TMEM170B: variants seen among roughly 807,000 people sequenced by gnomAD.
TMEM170B encodes transmembrane protein 170B.
A neutral mutation model predicts 13.0 loss-of-function variants in TMEM170B; 6 were observed. The ratio of observed to expected loss-of-function variants is 0.46; its 90% CI spans 0.25 to 0.91. The LOEUF (loss-of-function observed/expected upper bound fraction) is 0.91, where lower values mean the gene tolerates loss of function less well. Ranked by LOEUF, TMEM170B falls within the 40% of genes least tolerant of loss-of-function variation. The pLI, the probability that TMEM170B is intolerant of heterozygous loss-of-function variation, is 0.17. For missense variants in TMEM170B, 138 were observed against 165.2 expected (o/e 0.84, Z 0.90); for synonymous variants, 61 against 64.9 (o/e 0.94, Z 0.29).
intron 1 of TMEM170B, among the ~76,000 whole-genome samples, chr6:11,553,807 T>G (rs1169019177): frequency 2.6e-5 from 4 of 152,174 alleles, no homozygotes; most frequent in African/African-American, 9.7e-5. Context: ...ATTTGTAGAG[T>G]AAGGTTTAGA....
intron 1 of TMEM170B, among the ~76,000 whole-genome samples, chr6:11,540,538 A>C (rs956717695): frequency 6.6e-6 from 1 of 152,154 alleles, no homozygotes; most frequent in African/African-American, 2.4e-5. Flanking sequence ...TTCTAATTCT[A>C]GTTCTCTTGC....
At chr6:11,563,211 C>T (rs1455800599) in intron 1 of TMEM170B, among the ~76,000 whole-genome samples, 1 of 152,132 alleles carries the variant, frequency 6.6e-6, no homozygotes, top group African/African-American at 2.4e-5. Flanking sequence ...TGACGGGCAC[C>T]TGTAATCCCA....
At chr6:11,549,430 G>A (rs184030919) in intron 1 of TMEM170B, among the ~76,000 whole-genome samples, 2 of 152,194 alleles carry the variant, frequency 1.3e-5, no homozygotes, top group African/African-American at 4.8e-5. Flanking sequence ...TTGGGAGGCA[G>A]AGGTGGGTGG....
At position 11,583,456 on chromosome 6, in the gene TMEM170B, A is replaced by G. The variant is rs1164124014; in HGVS notation, c.*7895A>G. 6.6e-6 allele frequency: 1 copy of G among 152,220 alleles called. No homozygotes were observed. Among genetic ancestry groups the G allele is most frequent in the East Asian group, 1.9e-4 (1 of 5,198 alleles). The allele number at this position is 152,220 out of a possible 1,614,324, so 9.4% of individuals were successfully genotyped here. A position where few individuals can be genotyped will look rare whatever the true frequency, so the allele number is the denominator to read the frequency against. On this transcript the variant is annotated 3_prime_UTR_variant, in exon 3 of 3. Coordinates refer to ENST00000379426, the MANE Select transcript of TMEM170B (RefSeq NM_001100829.3). ...GGATTAAAAATTTGTAATATACAGTATTTTAATAAAGTTTCTGTATTCAAT... is the reference window on the plus strand; with the variant it reads ...GGATTAAAAATTTGTAATATACAGTGTTTTAATAAAGTTTCTGTATTCAAT...
At chr6:11,559,109 A>T (rs544130624) in intron 1 of TMEM170B, among the ~76,000 whole-genome samples, 1 of 152,234 alleles carries the variant, frequency 6.6e-6, no homozygotes, top group Non-Finnish European at 1.5e-5. Flanking sequence ...TTGTTCCAAT[A>T]AAACTTTATG....
At chr6:11,556,679 C>T (rs1759594121) in intron 1 of TMEM170B, among the ~76,000 whole-genome samples, 1 of 152,084 alleles carries the variant, frequency 6.6e-6, no homozygotes, top group Admixed American at 6.6e-5. Flanking sequence ...TCGGCAGTAA[C>T]AGACCTCTGC....
chr6:11,566,973 T>C (rs1386130160), intron 2 of TMEM170B, among the ~76,000 whole-genome samples: 1 of 152,242 alleles, frequency 6.6e-6, no homozygotes, highest in Non-Finnish European at 1.5e-5. Context: ...TATTGGAAGC[T>C]ACTGGTTACC....
At chr6:11,571,609 A>G (rs1482559001) in intron 2 of TMEM170B, among the ~76,000 whole-genome samples, 1 of 152,056 alleles carries the variant, frequency 6.6e-6, no homozygotes, top group Non-Finnish European at 1.5e-5. Context: ...TATTTCAAGA[A>G]CCCTATCCCA....
At chr6:11,574,097 G>A (rs1050443497) in intron 2 of TMEM170B, among the ~76,000 whole-genome samples, 12 of 152,104 alleles carry the variant, frequency 7.9e-5, no homozygotes, top group Admixed American at 4.6e-4. Flanking sequence ...GAAAAATCCC[G>A]GCTCTTGTAC....
intron 1 of TMEM170B, among the ~76,000 whole-genome samples, chr6:11,562,439 T>C (rs1279645413): frequency 6.6e-6 from 1 of 150,760 alleles, no homozygotes; most frequent in Admixed American, 6.6e-5. Context: ...CATGGTAGTT[T>C]AACACACACT....
Position 11,576,750 on chromosome 6 carries a change from G to A in TMEM170B, c.*1189G>A, listed in dbSNP as rs571355178. On this transcript the variant is annotated 3_prime_UTR_variant, in exon 3 of 3. Transcript: ENST00000379426. Reference sequence around the variant, plus strand: ...AGATAATTTTAAAATTTGGCAATTAGTCTCAGCATATCAATGCAGTACTGA... The same window carrying A: ...AGATAATTTTAAAATTTGGCAATTAATCTCAGCATATCAATGCAGTACTGA... 7 of 152,106 alleles carry A rather than the reference G, an allele frequency of 4.6e-5. No individual in the cohort carries two copies. Among genetic ancestry groups the A allele is most frequent in the Non-Finnish European group, 7.4e-5 (5 of 67,978 alleles). The allele number at this position is 152,106 out of a possible 1,614,324, so 9.4% of individuals were successfully genotyped here.
intron 1 of TMEM170B, among the ~76,000 whole-genome samples, chr6:11,553,274 T>C (rs1316553490): frequency 6.6e-6 from 1 of 152,200 alleles, no homozygotes; most frequent in Admixed American, 6.5e-5. Context: ...GTTGGACCCA[T>C]GCACTGCAAA....
intron 1 of TMEM170B, among the ~76,000 whole-genome samples, chr6:11,547,651 A>G (rs374775286): frequency 2.9e-4 from 44 of 152,280 alleles, no homozygotes; most frequent in African/African-American, 1.1e-3. Flanking sequence ...TGAAAATGCT[A>G]TAATTTTTAA....
intron 1 of TMEM170B, among the ~76,000 whole-genome samples, chr6:11,562,872 A>G (rs1326690130): frequency 1.3e-5 from 2 of 152,154 alleles, no homozygotes; most frequent in Non-Finnish European, 2.9e-5. Context: ...CACAAAGATC[A>G]CTCATGTTGC....
At chr6:11,554,349 T>G (rs1311939934) in intron 1 of TMEM170B, among the ~76,000 whole-genome samples, 1 of 151,978 alleles carries the variant, frequency 6.6e-6, no homozygotes, top group Non-Finnish European at 1.5e-5. Flanking sequence ...TTAAAACCAT[T>G]GTATGGTTAC....
intron 1 of TMEM170B, among the ~76,000 whole-genome samples, chr6:11,552,132 AT>A (rs1759533229): frequency 6.6e-6 from 1 of 152,086 alleles, no homozygotes; most frequent in Non-Finnish European, 1.5e-5. Flanking sequence ...TCTTCAGGAG[AT>A]TTTGTTATTG....
At position 11,581,699 on chromosome 6, in the gene TMEM170B, A is replaced by G. The variant is rs1459351646; in HGVS notation, c.*6138A>G. The G allele has an allele frequency of 6.6e-6, 1 of 152,210 alleles. No individual in the cohort carries two copies. Among genetic ancestry groups the G allele is most frequent in the East Asian group, 1.9e-4 (1 of 5,204 alleles). The allele number at this position is 152,210 out of a possible 1,614,324, so 9.4% of individuals were successfully genotyped here. A position where few individuals can be genotyped will look rare whatever the true frequency, so the allele number is the denominator to read the frequency against. ...TATTCTGTCTTGCTGAATTAAGCAG[A>G]AATCACTTTTTTTAGAGCCTTGTTT... On this transcript the variant is annotated 3_prime_UTR_variant, in exon 3 of 3. Coordinates refer to ENST00000379426, the MANE Select transcript of TMEM170B (RefSeq NM_001100829.3).
chr6:11,565,062 C>G (rs914688374), intron 1 of TMEM170B, among the ~76,000 whole-genome samples: 1 of 152,108 alleles, frequency 6.6e-6, no homozygotes, highest in African/African-American at 2.4e-5. Context: ...TGTCAGTGAA[C>G]AGTCGATTGA....
intron 2 of TMEM170B, among the ~76,000 whole-genome samples, chr6:11,572,616 A>G (rs1759819706): frequency 6.6e-6 from 1 of 152,124 alleles, no homozygotes; most frequent in Non-Finnish European, 1.5e-5. Flanking sequence ...TTATTACGTG[A>G]GTAATATATG....
Sources: gnomAD v4.1 joint callset for allele counts (sites outside exome capture counted in the v4.1 genomes callset) on GRCh38, gnomAD v4.1.1 for gene constraint, MANE v1.5 for transcripts, NCBI Gene and HGNC (gene_info 2026-07-23, HGNC 2026-07-21) for gene names.